Variants in CEP89 observed in about 807,000 individuals in gnomAD.
CEP89 encodes centrosomal protein of 89 kDa.
CEP89 carries 95 observed loss-of-function variants against 97.6 expected under a neutral mutation model. That is an observed-to-expected ratio of 0.97 (90% CI 0.82 to 1.15). The LOEUF (loss-of-function observed/expected upper bound fraction) is 1.15, where lower values mean the gene tolerates loss of function less well. Among genes scored for constraint, CEP89 ranks in the 50% most tolerant of loss-of-function variants. The pLI is 0.00. For missense variants in CEP89, 869 were observed against 947.7 expected, an observed-to-expected ratio of 0.92 and a Z score of 1.09; for synonymous variants, 354 against 349.1, an observed-to-expected ratio of 1.01 and a Z score of -0.16.
intron 7 of CEP89, among the ~76,000 whole-genome samples, chr19:32,935,972 G>A (rs544682426): frequency 2.0e-4 from 31 of 152,282 alleles, no homozygotes; most frequent in Admixed American, 1.4e-3. Flanking sequence ...ATCAGGAGCC[G>A]GGGACAAGCG....
chr19:32,951,530 TATATACACACACAC>T (rs1344764389), intron 4 of CEP89, among the ~76,000 whole-genome samples: 2 of 107,418 alleles, frequency 1.9e-5, no homozygotes, highest in Non-Finnish European at 3.8e-5. Flanking sequence ...TATATATATA[TATATACACACACAC>T]ACACACACAC....
chr19:32,891,437 G>T (rs1490012270), intron 16 of CEP89, among the ~76,000 whole-genome samples: 1 of 151,972 alleles, frequency 6.6e-6, no homozygotes, highest in Non-Finnish European at 1.5e-5. Context: ...TCAATGAAAG[G>T]ACATAATAAA....
intron 14 of CEP89, among the ~76,000 whole-genome samples, chr19:32,902,885 C>A (rs1969812144): frequency 6.6e-6 from 1 of 152,154 alleles, no homozygotes; most frequent in Admixed American, 6.5e-5. Flanking sequence ...GCACAAAGAA[C>A]AGGAAATAGT....
chr19:32,955,192 G>A (rs533588860), intron 3 of CEP89, among the ~76,000 whole-genome samples: 12 of 151,796 alleles, frequency 7.9e-5, no homozygotes, highest in Non-Finnish European at 1.3e-4. Flanking sequence ...AGTAGAGAAG[G>A]GGTTTCACCA....
chr19:32,942,849 C>CTTTT (rs757161677), intron 5 of CEP89, among the ~76,000 whole-genome samples: 18 of 136,370 alleles, frequency 1.3e-4, no homozygotes, highest in Admixed American at 5.2e-4. Context: ...CTATTCCAGT[C>CTTTT]TTTTTTTTTT....
rs71336973 is a variant in CEP89, at chr19:32,892,202, CATATATATATATATATATATATATAT to C, written c.1876-4387_1876-4362del. ...TATATATTTAGAATATATATTTAGA[CATATATATATATATATATATATATAT>C]ATATATATATATATGTCTAGTTACA... On this transcript the variant is annotated intron_variant, in intron 16 of 18. Coordinates refer to ENST00000305768, the MANE Select transcript of CEP89 (RefSeq NM_032816.5). Among the ~76,000 whole-genome samples, 22 of 115,038 alleles carry C rather than the reference CATATATATATATATATATATATATAT, an allele frequency of 1.9e-4. No individual in the cohort carries two copies. In the South Asian group the frequency reaches 2.1e-3, roughly 11 times the overall value. 75.5% of individuals were successfully genotyped at this position (115,038 alleles called of 152,430 possible).
At chr19:32,963,328 C>T (rs989950058) in intron 2 of CEP89, among the ~76,000 whole-genome samples, 2 of 152,120 alleles carry the variant, frequency 1.3e-5, no homozygotes, top group Admixed American at 1.3e-4. Flanking sequence ...TGCACTCCAG[C>T]CTGGGTGACA....
chr19:32,968,752 A>C (rs1971337221), intron 1 of CEP89, among the ~76,000 whole-genome samples: 1 of 152,052 alleles, frequency 6.6e-6, no homozygotes, highest in East Asian at 1.9e-4. Context: ...CGGCAGGCAA[A>C]TGTCCAGCAT....
chr19:32,933,475 C>T lies in CEP89; in HGVS notation c.862G>A (p.Ala288Thr), dbSNP rs975086492. ...MEKEKRKLKEAEKASSQEVAA... is the reference protein window; with the variant it reads ...MEKEKRKLKETEKASSQEVAA... ...CCTTCCTGTGACGACGCCTTCTCAG[C>T]CTCTTTGAGCTTTCTCTTCTCTTTT... is the stretch of plus-strand genomic sequence containing the variant. The change falls in exon 8 of 19, where the codon GCT becomes ACT. Residue 288 changes from alanine to threonine, a missense_variant. Ala to Thr is a moderately conservative substitution (Grantham distance 58). Coordinates refer to ENST00000305768, the MANE Select transcript of CEP89 (RefSeq NM_032816.5). 13 of 1,614,002 alleles carry T rather than the reference C, an allele frequency of 8.1e-6. No individual in the cohort carries two copies. The highest frequency in any genetic ancestry group is 1.0e-5 in the Non-Finnish European group (12 of 1,179,998).
rs537059813 is a variant in CEP89 at position 32,876,286 on chromosome 19, T to A, written c.*2876A>T. 1.3e-5 allele frequency: 2 copies of A among 152,362 alleles called. No individual in the cohort carries two copies. Among genetic ancestry groups the A allele is most frequent in the African/African-American group, 4.8e-5 (2 of 41,558 alleles). 9.4% of individuals were successfully genotyped at this position (152,362 alleles called of 1,614,324 possible). ...CACCATGCCCAGGGCTGCTTTTAAA[T>A]AATGGCAAAGCCAGCAAGGCTCACT... On this transcript the variant is annotated 3_prime_UTR_variant, in exon 19 of 19. Coordinates refer to ENST00000305768, the MANE Select transcript of CEP89 (RefSeq NM_032816.5).
chr19:32,879,826 C>T (rs1402076925), intron 18 of CEP89, among the ~76,000 whole-genome samples: 1 of 152,232 alleles, frequency 6.6e-6, no homozygotes, highest in Non-Finnish European at 1.5e-5. Context: ...TCCTGTGTCC[C>T]GTCTGCTTGT....
intron 17 of CEP89, among the ~76,000 whole-genome samples, chr19:32,884,672 T>C (rs561984458): frequency 6.6e-6 from 1 of 152,256 alleles, no homozygotes; most frequent in Admixed American, 6.5e-5. Flanking sequence ...TTTAAACTCC[T>C]GGGCTCAAGA....
chr19:32,953,867 C>CTT (rs11339044), intron 3 of CEP89, 66 bp from the exon 4 acceptor site: 568 of 607,856 alleles, frequency 9.3e-4, no homozygotes, highest in Non-Finnish European at 1.1e-3. Flanking sequence ...TGATAAATAT[C>CTT]TTTTTTTTTT....
chr19:32,918,200 C>G (rs773494722), intron 13 of CEP89, 24 bp downstream of exon 13: 2 of 1,525,868 alleles, frequency 1.3e-6, no homozygotes, highest in South Asian at 2.2e-5. Flanking sequence ...AATGCATGAC[C>G]AGTCCTCACT....
intron 17 of CEP89, among the ~76,000 whole-genome samples, chr19:32,886,328 G>A (rs555469601): frequency 2.2e-4 from 33 of 152,212 alleles, no homozygotes; most frequent in Non-Finnish European, 4.4e-5. Context: ...GGGTGGGAGC[G>A]ACAGTTGGGC....
chr19:32,927,251 A>G (rs1003333609), intron 9 of CEP89, among the ~76,000 whole-genome samples: 1 of 152,064 alleles, frequency 6.6e-6, no homozygotes, highest in Non-Finnish European at 1.5e-5. Context: ...TGAGAGAAAT[A>G]TTTTTTCTGA....
chr19:32,879,449 A>G, intron 18 of CEP89, 71 bp from the exon 19 acceptor site: 2 of 1,288,392 alleles, frequency 1.6e-6, no homozygotes, highest in South Asian at 1.2e-5. Context: ...CCAAAGTAGC[A>G]AGAACTCAAA....
Position 32,883,119 on chromosome 19 carries a change from CCCAAAGTGCTG to C in CEP89, c.1966-1117_1966-1107del, listed in dbSNP as rs565532187. Among the ~76,000 whole-genome samples the C allele has an allele frequency of 7.7e-3, 1,177 of 152,000 alleles. 3 individuals are homozygous for C. The highest frequency in any genetic ancestry group is 0.013 in the Non-Finnish European group (870 of 67,984). ...CCTCGCGATCCGCCTGCCTCGGCCT[CCCAAAGTGCTG>C]GGATTACAGGCGTGAGACACCGCGC... On this transcript the variant is annotated intron_variant, in intron 17 of 18. Transcript: ENST00000305768.
intron 3 of CEP89, among the ~76,000 whole-genome samples, chr19:32,954,259 T>C (rs1970999709): frequency 6.6e-6 from 1 of 152,188 alleles, no homozygotes; most frequent in Admixed American, 6.6e-5. Context: ...AGATTAAATT[T>C]TCCACCGTCC....
Sources: gnomAD v4.1 joint callset for allele counts (sites outside exome capture counted in the v4.1 genomes callset) on GRCh38, gnomAD v4.1.1 for gene constraint, MANE v1.5 for transcripts, NCBI Gene and HGNC (gene_info 2026-07-23, HGNC 2026-07-21) for gene names.